Variants in CYP27B1 observed in about 807,000 individuals in gnomAD.
CYP27B1 encodes 25-hydroxyvitamin D-1 alpha hydroxylase, mitochondrial.
A neutral mutation model predicts 54.8 loss-of-function variants in CYP27B1; 46 were observed. That is an observed-to-expected ratio of 0.84 (90% CI 0.66 to 1.07). The LOEUF (loss-of-function observed/expected upper bound fraction) is 1.07, where lower values mean the gene tolerates loss of function less well. Among genes scored for constraint, CYP27B1 ranks in the 50% least tolerant of loss-of-function variants. The pLI, the probability that CYP27B1 is intolerant of heterozygous loss-of-function variation, is 0.00. For synonymous variants in CYP27B1, 292 were observed against 297.3 expected, an observed-to-expected ratio of 0.98 and a Z score of 0.18; for missense variants, 674 against 692.2, an observed-to-expected ratio of 0.97 and a Z score of 0.30.
At position 57,764,116 on chromosome 12, in the gene CYP27B1, G is replaced by A. The variant is rs758508383; in HGVS notation, c.1197C>T (p.Asp399=). 11 of 1,613,344 alleles carry A rather than the reference G, an allele frequency of 6.8e-6. No homozygotes were observed. The African/African-American group carries it at 1.5e-4, about 22-fold the overall frequency. The change falls in exon 7 of 9, where the codon GAC becomes GAT. Residue 399 remains aspartate, a synonymous_variant. Coordinates refer to ENST00000228606, the MANE Select transcript of CYP27B1 (RefSeq NM_000785.4). ...RVPDKDIHVG[D]YIIPKNTLVT... ...TACTCACATTTTTGGGGATAATATAGTCACCCACATGAATGTCTTTGTCTG... is the reference window on the plus strand; with the variant it reads ...TACTCACATTTTTGGGGATAATATAATCACCCACATGAATGTCTTTGTCTG...
In CYP27B1 at chr12:57,765,814, A is replaced by C; in HGVS notation, c.386+193T>G. The C allele has an allele frequency of 8.9e-7, 1 of 1,127,382 alleles. No homozygotes were observed. The allele number at this position is 1,127,382 out of a possible 1,614,324, so 69.8% of individuals were successfully genotyped here. On this transcript the variant is annotated intron_variant, in intron 2 of 8. Transcript: ENST00000228606. The surrounding 1 kb of genome is among the most constrained non-coding windows in gnomAD (Gnocchi z 5.8). ...AGGATTCGGGCCTCAAAGGATAAGG[A>C]GGTAGGCGGGGAGTGAGGTTGGGGC...
At position 57,765,650 on chromosome 12, in the gene CYP27B1, T is replaced by C; in HGVS notation, c.387-151A>G. 1 of 951,922 alleles carries C rather than the reference T, an allele frequency of 1.1e-6. No individual in the cohort carries two copies. Among genetic ancestry groups the C allele is most frequent in the Non-Finnish European group, 1.7e-6 (1 of 601,918 alleles). 59.0% of individuals were successfully genotyped at this position (951,922 alleles called of 1,614,324 possible). Reference sequence around the variant, plus strand: ...GGAAACCTGCACCGGCCTGCGCCTGTCTTCCAGCCCCCTTCCTCTTTACTC... The same window carrying C: ...GGAAACCTGCACCGGCCTGCGCCTGCCTTCCAGCCCCCTTCCTCTTTACTC... On this transcript the variant is annotated intron_variant, in intron 2 of 8. Transcript: ENST00000228606. The surrounding 1 kb of genome is among the most constrained non-coding windows in gnomAD (Gnocchi z 5.8).
rs1955337233 is a variant in CYP27B1 at position 57,763,765 on chromosome 12, G to C, written c.1259C>G (p.Ala420Gly). Residue 420 changes from alanine (A) to glycine (G), a missense_variant, in exon 8 of 9, where the codon GCC (alanine) becomes GGC (glycine). Coordinates refer to ENST00000228606, the MANE Select transcript of CYP27B1 (RefSeq NM_000785.4). ...AAAAGAATTTGGCTCTGGGAACTGG[G>C]CAGGGTCCCTTGAAGTGGCATAGTG... ...LCHYATSRDP[A>G]QFPEPNSFRP... The C allele has an allele frequency of 6.2e-7, 1 of 1,614,058 alleles. No individual in the cohort carries two copies. The highest frequency in any genetic ancestry group is 1.3e-5 in the African/African-American group (1 of 74,924).
At position 57,767,066 on chromosome 12, in the gene CYP27B1, A is replaced by G. The variant is rs751953236; in HGVS notation, c.-25T>C. 3 of 1,609,952 alleles carry G rather than the reference A, an allele frequency of 1.9e-6. No individual in the cohort carries two copies. Among genetic ancestry groups the G allele is most frequent in the South Asian group, 2.2e-5 (2 of 90,990 alleles). On this transcript the variant is annotated 5_prime_UTR_variant, in exon 1 of 9. Coordinates refer to ENST00000228606, the MANE Select transcript of CYP27B1 (RefSeq NM_000785.4). The stretch of plus-strand genomic sequence containing the variant: ...TGGTCTGGTTCAGGGTGCTCGCGAA[A>G]GAAAGCGCTTCTCCTGAGCATCATA...
Position 57,765,242 on chromosome 12 carries a change from G to A in CYP27B1, c.590-31C>T, listed in dbSNP as rs1042060478. The A allele has an allele frequency of 3.1e-6, 5 of 1,611,142 alleles. No individual in the cohort carries two copies. The African/African-American group carries it at 4.0e-5, about 13-fold the overall frequency. Reference sequence around the variant, plus strand: ...CGGGAGGGGGCGCCGTCAGGGTTCCGGGAGGCTCTGGTAGGGCGCCCCCGA... The same window carrying A: ...CGGGAGGGGGCGCCGTCAGGGTTCCAGGAGGCTCTGGTAGGGCGCCCCCGA... On this transcript the variant is annotated intron_variant, in intron 3 of 8. Coordinates refer to ENST00000228606, the MANE Select transcript of CYP27B1 (RefSeq NM_000785.4). The surrounding 1 kb of genome is among the most constrained non-coding windows in gnomAD (Gnocchi z 5.8).
rs745516871 is a variant in CYP27B1 at position 57,767,028 on chromosome 12, A to C, written c.14T>G (p.Leu5Arg). The change falls in exon 1 of 9, where the codon CTC becomes CGC. Residue 5 changes from leucine to arginine, a missense_variant. Leu to Arg is a moderately radical substitution (Grantham distance 102). Transcript: ENST00000228606. MTQT[L>R]KYASRVFHRV... ...ATGGAACACTCTGGAGGCGTACTTGAGGGTCTGGGTCATGGTCTGGTTCAG... is the reference window on the plus strand; with the variant it reads ...ATGGAACACTCTGGAGGCGTACTTGCGGGTCTGGGTCATGGTCTGGTTCAG... 1 of 1,614,014 alleles carries C rather than the reference A, an allele frequency of 6.2e-7. No homozygotes were observed. The highest frequency in any genetic ancestry group is 1.3e-5 in the African/African-American group (1 of 74,916).
intron 1 of CYP27B1, 47 bp from the exon 2 acceptor site, chr12:57,766,244 T>C: frequency 1.3e-6 from 2 of 1,492,952 alleles, no homozygotes; most frequent in East Asian, 2.6e-5. Context: ...GGCGGGGACT[T>C]TCAGCTTGAC....
At position 57,765,838 on chromosome 12, in the gene CYP27B1, G is replaced by T. The variant is rs569709279; in HGVS notation, c.386+169C>A. On this transcript the variant is annotated intron_variant, in intron 2 of 8. Transcript: ENST00000228606. This position sits in a 1 kb window ranked among gnomAD's most constrained non-coding sequence, Gnocchi z 5.8. ...GAGGTAGGCGGGGAGTGAGGTTGGGGCTCAACCTGAGTGTGGGTGAAGCAG... is the reference window on the plus strand; with the variant it reads ...GAGGTAGGCGGGGAGTGAGGTTGGGTCTCAACCTGAGTGTGGGTGAAGCAG... Among the ~76,000 whole-genome samples the T allele has an allele frequency of 4.6e-5, 7 of 152,326 alleles. No homozygotes were observed. Among genetic ancestry groups the T allele is most frequent in the Admixed American group, 2.6e-4 (4 of 15,306 alleles).
At position 57,765,209 on chromosome 12, in the gene CYP27B1, T is replaced by A; in HGVS notation, c.592A>T (p.Ile198Phe). Residue 198 changes from isoleucine (I) to phenylalanine (F), a missense_variant and splice_region_variant, in exon 4 of 9, where the codon ATC becomes TTC. By Grantham distance (21) the Ile-to-Phe change is conservative. Coordinates refer to ENST00000228606, the MANE Select transcript of CYP27B1 (RefSeq NM_000785.4). This position sits in a 1 kb window ranked among gnomAD's most constrained non-coding sequence, Gnocchi z 5.8. ...GEFYKFGLEG[I>F]AAVLLGSRLG... The stretch of plus-strand genomic sequence containing the variant: ...CGCGAGCCGAGCAGAACCGCGGCGA[T>A]GCCTTGTCGGGAGGGGGCGCCGTCA... The A allele has an allele frequency of 6.2e-7, 1 of 1,612,432 alleles. No homozygotes were observed. The highest frequency in any genetic ancestry group is 8.5e-7 in the Non-Finnish European group (1 of 1,179,400).
rs1312398461 is a variant in CYP27B1, at chr12:57,765,147, C to T, written c.654G>A (p.Thr218=). The T allele has an allele frequency of 1.2e-6, 2 of 1,613,834 alleles. No homozygotes were observed. Among genetic ancestry groups the T allele is most frequent in the Non-Finnish European group, 8.5e-7 (1 of 1,179,974 alleles). ...AGCCCACAGCGCGGATGAAGGTCTCCGTGTCGGGTGGCACTTGAGCCTCCA... is the reference window on the plus strand; with the variant it reads ...AGCCCACAGCGCGGATGAAGGTCTCTGTGTCGGGTGGCACTTGAGCCTCCA... ...GCLEAQVPPD[T]ETFIRAVGSV... Residue 218 remains threonine, a synonymous_variant, in exon 4 of 9, where the codon ACG becomes ACA. Coordinates refer to ENST00000228606, the MANE Select transcript of CYP27B1 (RefSeq NM_000785.4). The surrounding 1 kb of genome is among the most constrained non-coding windows in gnomAD (Gnocchi z 5.8).
Position 57,764,188 on chromosome 12 carries a change from A to G in CYP27B1, c.1137-12T>C. On this transcript the variant is annotated splice_polypyrimidine_tract_variant and intron_variant, in intron 6 of 8. Coordinates refer to ENST00000228606, the MANE Select transcript of CYP27B1 (RefSeq NM_000785.4). ...CCACAGGGTACAGTCTAGGTTGCAA[A>G]GCACAAAATGGAGACAACAAGATGA... 3 of 1,610,828 alleles carry G rather than the reference A, an allele frequency of 1.9e-6. No homozygotes were observed. Among genetic ancestry groups the G allele is most frequent in the South Asian group, 1.1e-5 (1 of 91,030 alleles).
Position 57,765,378 on chromosome 12 carries a change from T to A in CYP27B1, c.508A>T (p.Arg170Trp). 6.2e-7 allele frequency: 1 copy of A among 1,613,302 alleles called. No individual in the cohort carries two copies. The highest frequency in any genetic ancestry group is 1.6e-4 in the Middle Eastern group (1 of 6,062). ...NVVCDLVRRL[R>W]RQRGRGTGPP... ...CCCGTGCCACGTCCCCGCTGGCGCC[T>A]CAGACGCCGCACAAGGTCGCAGACT... The change falls in exon 3 of 9, where the codon AGG (arginine) becomes TGG (tryptophan). Residue 170 changes from arginine (R) to tryptophan (W), a missense_variant. By Grantham distance (101) the Arg-to-Trp change is moderately radical. Coordinates refer to ENST00000228606, the MANE Select transcript of CYP27B1 (RefSeq NM_000785.4). This position sits in a 1 kb window ranked among gnomAD's most constrained non-coding sequence, Gnocchi z 5.8.
In CYP27B1 at chr12:57,766,161, C is replaced by A. The variant is rs768276712; in HGVS notation, c.232G>T (p.Ala78Ser). The change falls in exon 2 of 9, where the codon GCC becomes TCC. Residue 78 changes from alanine (A) to serine (S), a missense_variant. Ala to Ser is a moderately conservative substitution (Grantham distance 99, BLOSUM62 1). Transcript: ENST00000228606. Reference protein sequence around the residue: ...GAAHFGPVWLASFGTVRTVYV... With the variant: ...GAAHFGPVWLSSFGTVRTVYV... ...ACGGTGCGCACTGTCCCAAAGCTGG[C>A]TAGCCACACCGGCCCGAAGTGCGCG... The A allele has an allele frequency of 1.3e-5, 20 of 1,546,260 alleles. No homozygotes were observed. Among genetic ancestry groups the A allele is most frequent in the Non-Finnish European group, 1.4e-5 (16 of 1,147,628 alleles).
In CYP27B1 at chr12:57,762,410, G is replaced by A. The variant is rs1955326547; in HGVS notation, c.*732C>T. The A allele has an allele frequency of 6.6e-6, 1 of 152,282 alleles. No individual in the cohort carries two copies. The highest frequency in any genetic ancestry group is 6.5e-5 in the Admixed American group (1 of 15,292). The allele number at this position is 152,282 out of a possible 1,614,324, so 9.4% of individuals were successfully genotyped here. On this transcript the variant is annotated 3_prime_UTR_variant, in exon 9 of 9. Coordinates refer to ENST00000228606, the MANE Select transcript of CYP27B1 (RefSeq NM_000785.4). ...TTCAATATAAAAAGCCAGAGGCCTG[G>A]GCAGGGACAGGCCCAAAGATGTCTC...
Position 57,766,868 on chromosome 12 carries a change from C to T in CYP27B1, c.174G>A (p.Leu58=), listed in dbSNP as rs772434439. 1 of 1,614,214 alleles carries T rather than the reference C, an allele frequency of 6.2e-7. No individual in the cohort carries two copies. The highest frequency in any genetic ancestry group is 1.7e-5 in the Admixed American group (1 of 60,032). The change falls in exon 1 of 9, where the codon CTG becomes CTA. Residue 58 remains leucine (L), a synonymous_variant. Transcript: ENST00000228606. ...FLAELFCKGG[L]SRLHELQVQG... ...CTACCTGCAGCTCGTGTAGCCTCGA[C>T]AGCCCCCCCTTGCAGAAAAGTTCGG...
intron 1 of CYP27B1, 91 bp from the exon 2 acceptor site, chr12:57,766,288 G>A: frequency 7.1e-7 from 1 of 1,414,300 alleles, no homozygotes; most frequent in East Asian, 2.7e-5. Context: ...ACTGGGCTTG[G>A]GAATAGGGAG....
rs1206202382 is a variant in CYP27B1 at position 57,766,097 on chromosome 12, C to A, written c.296G>T (p.Arg99Leu). Reference protein sequence around the residue: ...AAPALVEELLRQEGPRPERCS... With the variant: ...AAPALVEELLLQEGPRPERCS... ...GCGCTCGGGCCGGGGTCCCTCCTGT[C>A]GCAGCAGCTCCTCGACGAGTGCAGG... The change falls in exon 2 of 9, where the codon CGA (arginine) becomes CTA (leucine). Residue 99 changes from arginine to leucine, a missense_variant. Physicochemically the swap from Arg to Leu is moderately radical, Grantham distance 102. Transcript: ENST00000228606. 1.2e-5 allele frequency: 18 copies of A among 1,547,638 alleles called. No individual in the cohort carries two copies. Among genetic ancestry groups the A allele is most frequent in the Admixed American group, 1.9e-5 (1 of 51,664 alleles).
At chr12:57,766,503 G>C (rs1955362010) in intron 1 of CYP27B1, 1 of 568,836 alleles carries the variant, frequency 1.8e-6, no homozygotes, top group Admixed American at 3.2e-5. Context: ...CTCAGGACGA[G>C]TCCTCAGTGA....
At position 57,766,940 on chromosome 12, in the gene CYP27B1, G is replaced by C. The variant is rs141890302; in HGVS notation, c.102C>G (p.Arg34=). The change falls in exon 1 of 9, where the codon CGC becomes CGG. Residue 34 remains arginine (R), a synonymous_variant. Transcript: ENST00000228606. The part of the protein sequence containing the change: ...SLGYREYHSA[R]RSLADIPGPS... ...GGCCTGGGATGTCTGCCAAGCTCCG[G>C]CGTGCTGAGTGGTACTCTCGGTAGC... 19 of 1,614,086 alleles carry C rather than the reference G, an allele frequency of 1.2e-5. No individual in the cohort carries two copies. In the African/African-American group the frequency reaches 2.4e-4, roughly 20 times the overall value.
Sources: allele counts gnomAD v4.1 joint callset (sites outside exome capture counted in the v4.1 genomes callset), GRCh38; gene constraint gnomAD v4.1.1; non-coding constraint Gnocchi (gnomAD v3.1); transcripts MANE v1.5; gene names NCBI Gene and HGNC (gene_info 2026-07-23, HGNC 2026-07-21).